The following DNAH14 variants were observed in gnomAD, a reference collection of about 807,000 sequenced individuals.
DNAH14 encodes dynein axonemal heavy chain 14.
A neutral mutation model predicts 520.9 loss-of-function variants in DNAH14; 478 were observed. That is an observed-to-expected ratio of 0.92 (90% CI 0.85 to 0.99). The LOEUF is 0.99. Among genes scored for constraint, DNAH14 ranks in the 50% least tolerant of loss-of-function variants. DNAH14 has a pLI of 0.00. For missense variants in DNAH14, 4,831 were observed against 5,234.5 expected, an observed-to-expected ratio of 0.92 and a Z score of 2.38; for synonymous variants, 1,581 against 1,757.2, an observed-to-expected ratio of 0.90 and a Z score of 2.51.
At chr1:225,152,937 T>C in intron 33 of DNAH14, 54 bp downstream of exon 33, 1 of 1,514,268 alleles carries the variant, frequency 6.6e-7, no homozygotes, top group African/African-American at 1.4e-5. Context: ...AAAATAACCT[T>C]AAGTAATACT....
intron 10 of DNAH14, among the ~76,000 whole-genome samples, chr1:225,016,053 C>A (rs2065193128): frequency 6.6e-6 from 1 of 152,156 alleles, no homozygotes; most frequent in Admixed American, 6.5e-5. Context: ...GCTTAAGGAA[C>A]ACAAAAAGGT....
intron 84 of DNAH14, chr1:225,396,748 T>C (rs1214381670): frequency 6.6e-6 from 1 of 152,228 alleles, no homozygotes; most frequent in Non-Finnish European, 1.5e-5. Context: ...GAGTGGCTCT[T>C]TGAAGAGTTA....
chr1:225,335,907 A>G (rs999959347), intron 66 of DNAH14, among the ~76,000 whole-genome samples: 3 of 144,372 alleles, frequency 2.1e-5, no homozygotes, highest in Admixed American at 6.9e-5. Context: ...ACATATATGC[A>G]TGTATGTATA....
intron 42 of DNAH14, among the ~76,000 whole-genome samples, chr1:225,239,970 AT>A (rs1280010293): frequency 6.6e-6 from 1 of 152,196 alleles, no homozygotes; most frequent in Non-Finnish European, 1.5e-5. Flanking sequence ...TCACCATAGA[AT>A]TTCATGATCC....
At chr1:225,023,017 C>T (rs1295283248) in intron 10 of DNAH14, among the ~76,000 whole-genome samples, 1 of 152,064 alleles carries the variant, frequency 6.6e-6, no homozygotes, top group East Asian at 1.9e-4. Context: ...CATATCTTCA[C>T]ATATAAGTGG....
chr1:225,215,137 C>G (rs910280993), intron 41 of DNAH14, among the ~76,000 whole-genome samples: 1 of 149,284 alleles, frequency 6.7e-6, no homozygotes, highest in African/African-American at 2.4e-5. Flanking sequence ...CAAAGAACAT[C>G]TTTATTTCTG....
Position 225,392,306 on chromosome 1 carries a change from T to C in DNAH14, c.13346T>C (p.Val4449Ala), listed in dbSNP as rs2095927879. The part of the protein sequence containing the change: ...FFFPQAFLAA[V>A]LQDYGRSRGI... ...TTCTCCAAAGCCTTTCTTGCTGCTGTGCTTCAAGACTATGGGAGGTCCCGA... is the reference window on the plus strand; with the variant it reads ...TTCTCCAAAGCCTTTCTTGCTGCTGCGCTTCAAGACTATGGGAGGTCCCGA... The change falls in exon 84 of 86, where the codon GTG becomes GCG. Residue 4449 changes from valine (V) to alanine (A), a missense_variant. Transcript: ENST00000682510. The C allele has an allele frequency of 2.6e-6, 4 of 1,552,302 alleles. No homozygotes were observed. The highest frequency in any genetic ancestry group is 1.7e-6 in the Non-Finnish European group (2 of 1,147,164).
chr1:225,181,678 T>C (rs906451825), intron 36 of DNAH14, among the ~76,000 whole-genome samples: 1 of 152,216 alleles, frequency 6.6e-6, no homozygotes, highest in Non-Finnish European at 1.5e-5. Context: ...AGTTGTTTAT[T>C]TATTTATTTG....
intron 42 of DNAH14, 127 bp from the exon 43 acceptor site, chr1:225,240,466 A>G (rs1422839289): frequency 5.4e-6 from 3 of 554,086 alleles, no homozygotes; most frequent in Non-Finnish European, 9.3e-6. Flanking sequence ...TGAAACTTTT[A>G]TGTTAGTACC....
At chr1:225,388,172 T>C (rs886923177) in intron 81 of DNAH14, among the ~76,000 whole-genome samples, 2 of 152,222 alleles carry the variant, frequency 1.3e-5, no homozygotes, top group Non-Finnish European at 2.9e-5. Context: ...CCAAGCGTTT[T>C]ATCCAAAGCA....
chr1:225,328,251 G>C (rs563746266), intron 64 of DNAH14, among the ~76,000 whole-genome samples: 1 of 152,278 alleles, frequency 6.6e-6, no homozygotes, highest in South Asian at 2.1e-4. Context: ...ACCAACAGCA[G>C]ATTTCTCAGC....
In DNAH14 at chr1:225,007,516, T is replaced by C; in HGVS notation, c.1079T>C (p.Ile360Thr). The change falls in exon 10 of 86, where the codon ATT becomes ACT. Residue 360 changes from isoleucine to threonine, a missense_variant. Ile to Thr is a moderately conservative substitution (Grantham distance 89). Coordinates refer to ENST00000682510, the MANE Select transcript of DNAH14 (RefSeq NM_001367479.1). ...CTTGAGGACATCAGGAATAAAGCAA[T>C]TTCAGAGATGAAAAGTACTTTTCTA... ...KQLEDIRNKAISEMKSTFLKV... is the reference protein window; with the variant it reads ...KQLEDIRNKATSEMKSTFLKV... 6.5e-7 allele frequency: 1 copy of C among 1,536,396 alleles called. No individual in the cohort carries two copies. Among genetic ancestry groups the C allele is most frequent in the Non-Finnish European group, 8.8e-7 (1 of 1,138,462 alleles).
chr1:225,258,354 A>T (rs1214281927), intron 45 of DNAH14, among the ~76,000 whole-genome samples: 1 of 152,174 alleles, frequency 6.6e-6, no homozygotes, highest in African/African-American at 2.4e-5. Flanking sequence ...GAAATTCCAG[A>T]AGTAGAGCTA....
chr1:225,072,695 A>G (rs745454928), intron 17 of DNAH14, among the ~76,000 whole-genome samples: 11 of 152,162 alleles, frequency 7.2e-5, no homozygotes, highest in Admixed American at 2.6e-4. Flanking sequence ...TCAGTTTTTG[A>G]GGTTGCTGAC....
rs187787911 is a variant in DNAH14, at chr1:225,038,003, T to C, written c.1359-691T>C. On this transcript the variant is annotated intron_variant, in intron 11 of 85. Coordinates refer to ENST00000682510, the MANE Select transcript of DNAH14 (RefSeq NM_001367479.1). ...ATGCCCGGCCAATATTCTGTGTTTT[T>C]ATGTGTACTTACTGTTACCAGTGAG... 8.5e-5 allele frequency among the ~76,000 whole-genome samples: 13 copies of C among 152,296 alleles called. No homozygotes were observed. The East Asian group carries it at 2.3e-3, about 27-fold the overall frequency.
chr1:225,347,429 A>G (rs990824579), intron 71 of DNAH14, among the ~76,000 whole-genome samples: 22 of 152,146 alleles, frequency 1.4e-4, no homozygotes, highest in Non-Finnish European at 2.9e-5. Flanking sequence ...TATAATGTGG[A>G]ACAACTGACA....
At chr1:225,117,435 T>A (rs530111375) in intron 23 of DNAH14, among the ~76,000 whole-genome samples, 5 of 151,666 alleles carry the variant, frequency 3.3e-5, no homozygotes, top group African/African-American at 1.2e-4. Flanking sequence ...TATATGTGTG[T>A]CTAAGGGTGG....
intron 68 of DNAH14, chr1:225,338,422 G>T: frequency 3.2e-6 from 2 of 632,256 alleles, no homozygotes; most frequent in Non-Finnish European, 5.6e-6. Context: ...AAAATCTGTG[G>T]GTTTTATGAG....
rs1487033477 is a variant in DNAH14 at position 225,043,103 on chromosome 1, A to G, written c.1757A>G (p.Asp586Gly). 1.3e-6 allele frequency: 2 copies of G among 1,549,870 alleles called. No homozygotes were observed. The highest frequency in any genetic ancestry group is 2.7e-5 in the African/African-American group (2 of 72,878). ...KSKEISYNLE[D>G]IISDTEIETE... The stretch of plus-strand genomic sequence containing the variant: ...AAAGAAATTAGTTACAATCTTGAAG[A>G]TATTATTTCAGGTAAGACAATTGAG... Residue 586 changes from aspartate (D) to glycine (G), a missense_variant, in exon 13 of 86, where the codon GAT becomes GGT. Coordinates refer to ENST00000682510, the MANE Select transcript of DNAH14 (RefSeq NM_001367479.1).
Sources: allele counts gnomAD v4.1 joint callset (sites outside exome capture counted in the v4.1 genomes callset), GRCh38; gene constraint gnomAD v4.1.1; transcripts MANE v1.5; gene names NCBI Gene and HGNC (gene_info 2026-07-23, HGNC 2026-07-21).